Variants in NPL observed in about 807,000 individuals in gnomAD.
NPL encodes N-acetylneuraminate lyase.
Under a neutral mutation model 41.1 loss-of-function variants are expected in NPL, and 32 were observed. That is an observed-to-expected ratio of 0.78 (90% CI 0.59 to 1.05). The LOEUF (loss-of-function observed/expected upper bound fraction) is 1.05. NPL is among the 50% of genes least tolerant of loss of function. The pLI is 0.00. For missense variants in NPL, 321 were observed against 378.4 expected, an observed-to-expected ratio of 0.85 and a Z score of 1.26; for synonymous variants, 128 against 134.9, an observed-to-expected ratio of 0.95 and a Z score of 0.35.
intron 1 of NPL, among the ~76,000 whole-genome samples, chr1:182,791,836 C>T (rs942533467): frequency 4.6e-5 from 7 of 152,148 alleles, no homozygotes; most frequent in Non-Finnish European, 8.8e-5. Flanking sequence ...CTCAAGCTCT[C>T]AGGACTCTTA....
intron 4 of NPL, 94 bp from the exon 5 acceptor site, chr1:182,806,051 C>G: frequency 7.1e-7 from 1 of 1,401,820 alleles, no homozygotes; most frequent in South Asian, 1.2e-5. Context: ...TGACCATCCT[C>G]AGTGCAGTGG....
At chr1:182,799,732 CAAAAAAA>C (rs556336661) in intron 3 of NPL, among the ~76,000 whole-genome samples, 1 of 61,214 alleles carries the variant, frequency 1.6e-5, no homozygotes, top group Non-Finnish European at 3.6e-5. Flanking sequence ...ACCCTGTCTC[CAAAAAAA>C]AAAAAAAAAA....
chr1:182,819,931 C>T (rs1320799402), intron 10 of NPL, among the ~76,000 whole-genome samples: 1 of 152,226 alleles, frequency 6.6e-6, no homozygotes, highest in Admixed American at 6.5e-5. Context: ...ACAACCAGGC[C>T]TCAGAGAAGA....
intron 8 of NPL, 80 bp downstream of exon 8, chr1:182,816,886 C>T: frequency 1.9e-6 from 2 of 1,039,488 alleles, no homozygotes; most frequent in South Asian, 2.6e-5. Context: ...TCCACTCCAT[C>T]CCACCCTACC....
intron 4 of NPL, 65 bp from the exon 5 acceptor site, chr1:182,806,080 C>G: frequency 6.2e-7 from 1 of 1,600,574 alleles, no homozygotes; most frequent in South Asian, 1.1e-5. Flanking sequence ...CCTGCACTTT[C>G]AGACTCGGGG....
At chr1:182,802,932 C>T (rs74586461) in intron 3 of NPL, among the ~76,000 whole-genome samples, 3 of 152,218 alleles carry the variant, frequency 2.0e-5, no homozygotes, top group African/African-American at 7.2e-5. Context: ...TAATAAAGTC[C>T]CCCAGATGCT....
intron 10 of NPL, among the ~76,000 whole-genome samples, chr1:182,820,373 G>C (rs1160594952): frequency 6.6e-6 from 1 of 152,208 alleles, no homozygotes; most frequent in Non-Finnish European, 1.5e-5. Context: ...CTGTGAGGAA[G>C]AGTGACTGAG....
At chr1:182,818,901 A>G in intron 10 of NPL, 42 bp downstream of exon 10, 4 of 1,554,038 alleles carry the variant, frequency 2.6e-6, no homozygotes, top group South Asian at 2.2e-5. Context: ...AAAGTCCCCC[A>G]TAAAGGCATT....
In NPL at chr1:182,794,406, T is replaced by G. The variant is rs1224285641; in HGVS notation, c.35T>G (p.Val12Gly). ...AFPKKKLQGL[V>G]AATITPMTEN... is the part of the protein sequence containing the mutation. ...CCAAAGAAGAAACTTCAGGGTCTTG[T>G]GGCTGCAACCATCACGCCAATGACT... Residue 12 changes from valine (V) to glycine (G), a missense_variant, in exon 3 of 13, where the codon GTG becomes GGG. Coordinates refer to ENST00000367553, the MANE Select transcript of NPL (RefSeq NM_030769.3). 6.2e-7 allele frequency: 1 copy of G among 1,614,216 alleles called. No homozygotes were observed.
At chr1:182,797,144 G>A (rs964371811) in intron 3 of NPL, among the ~76,000 whole-genome samples, 3 of 152,030 alleles carry the variant, frequency 2.0e-5, no homozygotes, top group Non-Finnish European at 4.4e-5. Context: ...TGTCATTGGG[G>A]ATATTGTGGG....
chr1:182,793,493 A>G (rs1666573182), intron 2 of NPL, among the ~76,000 whole-genome samples: 1 of 152,152 alleles, frequency 6.6e-6, no homozygotes, highest in Admixed American at 6.5e-5. Context: ...TTCGCTCTTG[A>G]ATTGAACACC....
chr1:182,829,870 T>C lies in NPL; in HGVS notation c.*962T>C. 1.9e-6 allele frequency: 1 copy of C among 526,790 alleles called. No individual in the cohort carries two copies. The highest frequency in any genetic ancestry group is 3.0e-5 in the East Asian group (1 of 33,110). 32.6% of individuals were successfully genotyped at this position (526,790 alleles called of 1,614,324 possible). ...CTCCATACCTCCTTTTACTCTTTTC[T>C]TTCTGTGTAATGTATCAACAACTGT... is the stretch of plus-strand genomic sequence containing the variant. On this transcript the variant is annotated 3_prime_UTR_variant, in exon 13 of 13. Coordinates refer to ENST00000367553, the MANE Select transcript of NPL (RefSeq NM_030769.3).
intron 11 of NPL, among the ~76,000 whole-genome samples, chr1:182,824,526 G>A (rs1571278790): frequency 6.6e-6 from 1 of 152,104 alleles, no homozygotes. Flanking sequence ...GGCCGGGCAC[G>A]GTGGCTCACG....
Position 182,818,566 on chromosome 1 carries a change from G to A in NPL, c.483G>A (p.Gly161=), listed in dbSNP as rs1557950903. ...TTCGTGCTGAGGAGTTGTTGGATGG[G>A]ATTCTGGATAAGATCCCCACCTTCC... The part of the protein sequence containing the change: ...VKIRAEELLD[G]ILDKIPTFQG... The change falls in exon 9 of 13, where the codon GGG becomes GGA. Residue 161 remains glycine, a synonymous_variant. Coordinates refer to ENST00000367553, the MANE Select transcript of NPL (RefSeq NM_030769.3). 1.9e-6 allele frequency: 3 copies of A among 1,614,022 alleles called. No individual in the cohort carries two copies. Among genetic ancestry groups the A allele is most frequent in the Non-Finnish European group, 2.5e-6 (3 of 1,180,034 alleles).
chr1:182,827,416 T>A (rs1302854531), intron 12 of NPL, among the ~76,000 whole-genome samples: 1 of 152,236 alleles, frequency 6.6e-6, no homozygotes, highest in East Asian at 1.9e-4. Flanking sequence ...CTGTAAAGAA[T>A]GTTTTGACTA....
chr1:182,822,286 C>T (rs1667510627), intron 11 of NPL, 87 bp downstream of exon 11: 6 of 899,384 alleles, frequency 6.7e-6, no homozygotes, highest in Non-Finnish European at 1.1e-5. Flanking sequence ...CATGCCTGCC[C>T]TCATTAAAAT....
chr1:182,825,610 G>A (rs1667610950), intron 11 of NPL, among the ~76,000 whole-genome samples, 171 bp from the exon 12 acceptor site: 1 of 152,134 alleles, frequency 6.6e-6, no homozygotes, highest in Admixed American at 6.6e-5. Context: ...TCTTACCTTA[G>A]CCTGGATGGA....
intron 10 of NPL, among the ~76,000 whole-genome samples, chr1:182,819,273 C>T (rs1667423252): frequency 6.6e-6 from 1 of 152,000 alleles, no homozygotes. Context: ...TGGTGAAACC[C>T]TGTCTCTACT....
intron 3 of NPL, among the ~76,000 whole-genome samples, chr1:182,802,567 C>A (rs1666879995): frequency 6.6e-6 from 1 of 152,122 alleles, no homozygotes; most frequent in African/African-American, 2.4e-5. Flanking sequence ...GCCCTACAGA[C>A]AAAAGTGCGG....
Sources: gnomAD v4.1 joint callset for allele counts (sites outside exome capture counted in the v4.1 genomes callset) on GRCh38, gnomAD v4.1.1 for gene constraint, MANE v1.5 for transcripts, NCBI Gene and HGNC (gene_info 2026-07-23, HGNC 2026-07-21) for gene names.